The following ADGRE5 variants were observed in gnomAD, a reference collection of about 807,000 sequenced individuals.
ADGRE5 encodes the protein adhesion G protein-coupled receptor E5.
Under a neutral mutation model 100.3 loss-of-function variants are expected in ADGRE5, and 72 were observed. The observed-to-expected ratio is 0.72, with a 90% CI of 0.59 to 0.87. ADGRE5 has a LOEUF of 0.87. Among genes scored for constraint, ADGRE5 ranks in the 40% least tolerant of loss-of-function variants. The probability of loss-of-function intolerance (pLI) is 0.00; values close to 1 mark genes in which losing one functional copy is unlikely to be tolerated. For synonymous variants in ADGRE5, 439 were observed against 447.8 expected (o/e 0.98, Z 0.25); for missense variants, 959 against 1,094.7 (o/e 0.88, Z 1.75).
At position 14,396,591 on chromosome 19, in the gene ADGRE5, G is replaced by A. The variant is rs190186927; in HGVS notation, c.478+118G>A. On this transcript the variant is annotated intron_variant, in intron 5 of 19. Transcript: ENST00000242786. ...ATCCGCAGGTTCCCACAAGGTCAAG[G>A]ACCTGCTAAGCCCCTGCCTAAGGAT... is the stretch of plus-strand genomic sequence containing the variant. The A allele has an allele frequency of 2.7e-6, 4 of 1,473,414 alleles. No individual in the cohort carries two copies. The Admixed American group carries it at 6.1e-5, about 23-fold the overall frequency. The allele number at this position is 1,473,414 out of a possible 1,614,324, so 91.3% of individuals were successfully genotyped here.
rs1211965109 is a variant in ADGRE5, at chr19:14,407,882, C to G, written c.2377-26C>G. On this transcript the variant is annotated intron_variant, in intron 18 of 19. Transcript: ENST00000242786. ...TGCATGGTCCCAGGGCCTGCTCCTG[C>G]CCTGACTTGGTGTCTGGGCCGGCAG... is the stretch of plus-strand genomic sequence containing the variant. The G allele has an allele frequency of 2.5e-6, 4 of 1,604,276 alleles. No individual in the cohort carries two copies. In the East Asian group the frequency reaches 8.9e-5, roughly 36 times the overall value.
Position 14,408,432 on chromosome 19 carries a change from A to G in ADGRE5, c.*311A>G. The G allele has an allele frequency of 1.7e-6, 1 of 581,632 alleles. No individual in the cohort carries two copies. Among genetic ancestry groups the G allele is most frequent in the Non-Finnish European group, 3.1e-6 (1 of 324,614 alleles). 36.0% of individuals were successfully genotyped at this position (581,632 alleles called of 1,614,324 possible). On this transcript the variant is annotated 3_prime_UTR_variant, in exon 20 of 20. Transcript: ENST00000242786. ...CTGGCACCTGTGGCCAGTACTCGGG[A>G]CAGACTAAGGGCGCTTGTCCCATCC... is the stretch of plus-strand genomic sequence containing the variant.
In ADGRE5 at chr19:14,407,803, C is replaced by T. The variant is rs961412760; in HGVS notation, c.2377-105C>T. 4.1e-6 allele frequency: 4 copies of T among 968,790 alleles called. No homozygotes were observed. The African/African-American group carries it at 4.9e-5, about 12-fold the overall frequency. 60.0% of individuals were successfully genotyped at this position (968,790 alleles called of 1,614,324 possible). On this transcript the variant is annotated intron_variant, in intron 18 of 19. Coordinates refer to ENST00000242786, the MANE Select transcript of ADGRE5 (RefSeq NM_078481.4). Reference sequence around the variant, plus strand: ...GGGGGACCCGATCTCAAAAAAAAGACAAACACAAAAACACCAAGAAGGTGG... The same window carrying T: ...GGGGGACCCGATCTCAAAAAAAAGATAAACACAAAAACACCAAGAAGGTGG...
At chr19:14,385,345 CTGTCTCTCTTTCTG>C (rs1249947358) in intron 1 of ADGRE5, among the ~76,000 whole-genome samples, 1 of 151,948 alleles carries the variant, frequency 6.6e-6, no homozygotes, top group African/African-American at 2.4e-5. Context: ...CTTTGTGTCT[CTGTCTCTCTTTCTG>C]TGTCTCTCTT....
chr19:14,384,619 TCCGTTCCCCTG>T (rs67810293), intron 1 of ADGRE5, among the ~76,000 whole-genome samples: 40,479 of 104,138 alleles, frequency 0.39, 6,260 homozygotes, highest in East Asian at 0.61. Flanking sequence ...CCCAACGCCC[TCCGTTCCCCTG>T]CCCTTCCCCT....
At chr19:14,404,333 T>C (rs1257457451) in intron 12 of ADGRE5, 50 bp from the exon 13 acceptor site, 3 of 1,562,570 alleles carry the variant, frequency 1.9e-6, no homozygotes, top group South Asian at 1.2e-5. Context: ...GCCCAGGACC[T>C]AAGAGTGAGC....
In ADGRE5 at chr19:14,406,547, C is replaced by T; in HGVS notation, c.2038C>T (p.Arg680Cys). Residue 680 changes from arginine to cysteine, a missense_variant, in exon 15 of 20, where the codon CGC becomes TGC. Around this residue, in one of 6 missense-constraint regions of ADGRE5, gnomAD observed 428 missense variants for 386.2 expected, o/e 1.11. Transcript: ENST00000242786. This position sits in a 1 kb window ranked among gnomAD's most constrained non-coding sequence, Gnocchi z 6.0. ...TGCCATCTACAGCAAGGGCTACGGCCGCCCCAGATAGTGAGTGCAGCGAGA... is the reference window on the plus strand; with the variant it reads ...TGCCATCTACAGCAAGGGCTACGGCTGCCCCAGATAGTGAGTGCAGCGAGA... ...SAAIYSKGYG[R>C]PRYCWLDFEQ... is the part of the protein sequence containing the mutation. 5 of 1,588,252 alleles carry T rather than the reference C, an allele frequency of 3.1e-6. No individual in the cohort carries two copies. Among genetic ancestry groups the T allele is most frequent in the Non-Finnish European group, 4.3e-6 (5 of 1,167,944 alleles).
intron 13 of ADGRE5, 24 bp from the exon 14 acceptor site, chr19:14,405,724 C>T (rs1976198610): frequency 1.9e-6 from 3 of 1,590,190 alleles, no homozygotes; most frequent in African/African-American, 1.3e-5. Context: ...TGAAGGAACC[C>T]TGAGCACCCG....
At chr19:14,386,765 G>A (rs1975372996) in intron 1 of ADGRE5, among the ~76,000 whole-genome samples, 1 of 149,962 alleles carries the variant, frequency 6.7e-6, no homozygotes, top group Non-Finnish European at 1.5e-5. Context: ...TGTAATCCCA[G>A]CACTTTTGGA....
intron 12 of ADGRE5, 46 bp from the exon 13 acceptor site, chr19:14,404,337 A>T: frequency 6.4e-7 from 1 of 1,566,210 alleles, no homozygotes; most frequent in Non-Finnish European, 8.6e-7. Flanking sequence ...AGGACCTAAG[A>T]GTGAGCTCCA....
At chr19:14,407,847 G>A (rs1976337638) in intron 18 of ADGRE5, 61 bp from the exon 19 acceptor site, 1 of 1,388,868 alleles carries the variant, frequency 7.2e-7, no homozygotes. Context: ...GCAGAGCATG[G>A]GGAGGAGCGT....
chr19:14,400,502 AGATT>A (rs1434577227), intron 9 of ADGRE5, among the ~76,000 whole-genome samples: 3 of 152,064 alleles, frequency 2.0e-5, no homozygotes, highest in Non-Finnish European at 4.4e-5. Flanking sequence ...ATTAAAGTTA[AGATT>A]GCAGGCCGGG....
rs190437845 is a variant in ADGRE5 at position 14,393,669 on chromosome 19, C to T, written c.346+2590C>T. 2.1e-3 allele frequency among the ~76,000 whole-genome samples: 323 copies of T among 152,310 alleles called. 2 individuals are homozygous for T. Among genetic ancestry groups the T allele is most frequent in the South Asian group, 7.7e-3 (37 of 4,834 alleles). On this transcript the variant is annotated intron_variant, in intron 4 of 19. Coordinates refer to ENST00000242786, the MANE Select transcript of ADGRE5 (RefSeq NM_078481.4). ...AGATCCCAGCCCCACCCCTCCTGCC[C>T]TGCATTCAGGCAGAGCACAGAGGGA...
intron 9 of ADGRE5, among the ~76,000 whole-genome samples, chr19:14,398,527 T>C (rs1975875484): frequency 6.7e-6 from 1 of 150,208 alleles, no homozygotes; most frequent in Non-Finnish European, 1.5e-5. Context: ...AAAAAAAAAT[T>C]AGCTGGGTGT....
chr19:14,401,860 G>T lies in ADGRE5; in HGVS notation c.1183+100G>T, dbSNP rs769155266. The stretch of plus-strand genomic sequence containing the variant: ...AGAATAGAACAACTGACTGGGCGCG[G>T]TGGCTCACGCCTGCAATCCCAGCAT... On this transcript the variant is annotated intron_variant, in intron 11 of 19. Transcript: ENST00000242786. This position sits in a 1 kb window ranked among gnomAD's most constrained non-coding sequence, Gnocchi z 4.1. 3.0e-4 allele frequency: 233 copies of T among 764,244 alleles called. No homozygotes were observed. The highest frequency in any genetic ancestry group is 4.3e-4 in the Non-Finnish European group (219 of 508,402). 47.3% of individuals were successfully genotyped at this position (764,244 alleles called of 1,614,324 possible). A position where few individuals can be genotyped will look rare whatever the true frequency, so the allele number is the denominator to read the frequency against.
rs149215083 is a variant in ADGRE5, at chr19:14,391,241, C to T, written c.346+162C>T. The T allele has an allele frequency of 0.019, 16,828 of 868,082 alleles. 205 individuals are homozygous for T. Among genetic ancestry groups the T allele is most frequent in the Non-Finnish European group, 0.024 (13,810 of 565,528 alleles). 53.8% of individuals were successfully genotyped at this position (868,082 alleles called of 1,614,324 possible). A position where few individuals can be genotyped will look rare whatever the true frequency, so the allele number is the denominator to read the frequency against. ...TACCTACCCCACCACCCCAGAGAGG[C>T]AGAGTGATGTGAGGATTAAGGGCTG... On this transcript the variant is annotated intron_variant, in intron 4 of 19. Transcript: ENST00000242786.
intron 18 of ADGRE5, 93 bp from the exon 19 acceptor site, chr19:14,407,815 C>A: frequency 9.3e-7 from 1 of 1,073,076 alleles, no homozygotes; most frequent in Non-Finnish European, 1.4e-6. Context: ...AACACAAAAA[C>A]ACCAAGAAGG....
intron 1 of ADGRE5, among the ~76,000 whole-genome samples, chr19:14,385,785 T>C (rs1975326954): frequency 6.6e-6 from 1 of 151,674 alleles, no homozygotes; most frequent in East Asian, 2.0e-4. Flanking sequence ...TTTTTTTTTT[T>C]TCTGAGACGG....
intron 2 of ADGRE5, 56 bp downstream of exon 2, chr19:14,388,556 C>T: frequency 6.3e-7 from 1 of 1,581,792 alleles, no homozygotes; most frequent in Non-Finnish European, 8.6e-7. Flanking sequence ...GGGGAGGGTC[C>T]TGGACCCCCG....
Sources: gnomAD v4.1 joint callset for allele counts (sites outside exome capture counted in the v4.1 genomes callset) on GRCh38, gnomAD v4.1.1 for gene constraint, gnomAD v4.1.1 regional missense constraint, Gnocchi (gnomAD v3.1) non-coding constraint, MANE v1.5 for transcripts, NCBI Gene and HGNC (gene_info 2026-07-23, HGNC 2026-07-21) for gene names.